CC2D1A: variants seen among roughly 807,000 people sequenced by gnomAD.
CC2D1A encodes the protein coiled-coil and C2 domain containing 1A, also known as coiled-coil and C2 domain-containing protein 1A.
Under a neutral mutation model 123.8 loss-of-function variants are expected in CC2D1A, and 68 were observed. The observed-to-expected ratio is 0.55, with a 90% CI of 0.45 to 0.67. The LOEUF (loss-of-function observed/expected upper bound fraction) is 0.67, where lower values mean the gene tolerates loss of function less well. CC2D1A is among the 30% of genes least tolerant of loss of function. The probability of loss-of-function intolerance (pLI) is 0.00; values close to 1 mark genes in which losing one functional copy is unlikely to be tolerated. For missense variants in CC2D1A, 1,185 were observed against 1,290.3 expected (o/e 0.92, Z 1.25); for synonymous variants, 477 against 528.0 (o/e 0.90, Z 1.32).
chr19:13,917,704 C>T (rs982316422), intron 6 of CC2D1A, among the ~76,000 whole-genome samples: 13 of 151,224 alleles, frequency 8.6e-5, no homozygotes, highest in African/African-American at 1.5e-4. Flanking sequence ...TAAAGCCAGG[C>T]GCGGTGGTTC....
At chr19:13,914,829 G>A (rs1971147212) in intron 6 of CC2D1A, among the ~76,000 whole-genome samples, 1 of 152,154 alleles carries the variant, frequency 6.6e-6, no homozygotes, top group African/African-American at 2.4e-5. Context: ...TTTTTGTAGA[G>A]GTGCCATGTT....
intron 17 of CC2D1A, among the ~76,000 whole-genome samples, chr19:13,926,030 A>ATATCTATATATATACGTATATATATGTG (rs1971615608): frequency 1.1e-5 from 1 of 87,688 alleles, no homozygotes; most frequent in Non-Finnish European, 2.0e-5. Flanking sequence ...ATATATGTGT[A>ATATCTATATATATACGTATATATATGTG]TATATATATA....
rs769604722 is a variant in CC2D1A at position 13,913,399 on chromosome 19, C to T, written c.514-5C>T. 13 of 1,613,696 alleles carry T rather than the reference C, an allele frequency of 8.1e-6. No homozygotes were observed. The highest frequency in any genetic ancestry group is 1.0e-5 in the Non-Finnish European group (12 of 1,179,800). On this transcript the variant is annotated splice_region_variant and splice_polypyrimidine_tract_variant and intron_variant, in intron 5 of 28. Transcript: ENST00000318003. ...TCCCAAACCAATACTCACGCCTTAT[C>T]TTAGACACTGGAAAACCTGCTCGCC...
chr19:13,930,730 T>G lies in CC2D1A; in HGVS notation c.*335T>G. On this transcript the variant is annotated 3_prime_UTR_variant, in exon 29 of 29. Transcript: ENST00000318003. This position sits in a 1 kb window ranked among gnomAD's most constrained non-coding sequence, Gnocchi z 6.8. ...GCCCCTGCAAGCACTTTACTTCCTGTTCCTCCCCAGCCTTAACCCCAAAGC... is the reference window on the plus strand; with the variant it reads ...GCCCCTGCAAGCACTTTACTTCCTGGTCCTCCCCAGCCTTAACCCCAAAGC... The G allele has an allele frequency of 1.7e-5, 7 of 412,030 alleles. No individual in the cohort carries two copies. Among genetic ancestry groups the G allele is most frequent in the Non-Finnish European group, 3.0e-5 (7 of 230,182 alleles). 25.5% of individuals were successfully genotyped at this position (412,030 alleles called of 1,614,324 possible).
In CC2D1A at chr19:13,919,248, G is replaced by A. The variant is rs373854689; in HGVS notation, c.1222+46G>A. 1,587 of 1,382,998 alleles carry A rather than the reference G, an allele frequency of 1.1e-3. 13 individuals carry two copies. In the African/African-American group the frequency reaches 0.021, roughly 18 times the overall value. 85.7% of individuals were successfully genotyped at this position (1,382,998 alleles called of 1,614,324 possible). On this transcript the variant is annotated intron_variant, in intron 11 of 28. Transcript: ENST00000318003. ...CCTCGCCCCAGTAGGCCCCGCCCCC[G>A]TAGGCCCCGCCCCCAGAGGCCCCGC...
intron 2 of CC2D1A, among the ~76,000 whole-genome samples, chr19:13,911,685 A>G (rs1199731551): frequency 1.4e-5 from 2 of 144,138 alleles, no homozygotes; most frequent in East Asian, 4.0e-4. Context: ...AGCGGGGATT[A>G]CACGCCACCA....
chr19:13,929,640 G>A lies in CC2D1A; in HGVS notation c.2690G>A (p.Gly897Glu). 1 of 1,567,278 alleles carries A rather than the reference G, an allele frequency of 6.4e-7. No homozygotes were observed. Among genetic ancestry groups the A allele is most frequent in the Non-Finnish European group, 8.6e-7 (1 of 1,158,980 alleles). Residue 897 changes from glycine to glutamate, a missense_variant, in exon 26 of 29, where the codon GGG (glycine) becomes GAG (glutamate). Coordinates refer to ENST00000318003, the MANE Select transcript of CC2D1A (RefSeq NM_017721.5). ...SQWQRAQLEQ[G>E]GVGIRREYAA... Reference sequence around the variant, plus strand: ...TGGCAGAGGGCACAGCTGGAGCAGGGGGGTGTGGGCATCCGACGGGGTAGG... The same window carrying A: ...TGGCAGAGGGCACAGCTGGAGCAGGAGGGTGTGGGCATCCGACGGGGTAGG...
chr19:13,921,714 C>CT (rs925884894), intron 14 of CC2D1A, among the ~76,000 whole-genome samples: 6 of 152,284 alleles, frequency 3.9e-5, no homozygotes, highest in Admixed American at 2.6e-4. Context: ...TTGCTGGACA[C>CT]TGGAGACATG....
chr19:13,923,523 G>A lies in CC2D1A; in HGVS notation c.1765-25G>A, dbSNP rs746051049. 8.7e-6 allele frequency: 14 copies of A among 1,612,944 alleles called. No individual in the cohort carries two copies. The highest frequency in any genetic ancestry group is 6.7e-5 in the Admixed American group (4 of 59,836). ...TCCTTCCCCTCTCTTCCCTTCCCTC[G>A]ACTCACTGCCTTCTGTTTCCCCAGA... On this transcript the variant is annotated intron_variant, in intron 15 of 28. Coordinates refer to ENST00000318003, the MANE Select transcript of CC2D1A (RefSeq NM_017721.5). The surrounding 1 kb of genome is among the most constrained non-coding windows in gnomAD (Gnocchi z 5.3).
chr19:13,919,424 A>G (rs778564225), intron 11 of CC2D1A, among the ~76,000 whole-genome samples: 9 of 152,222 alleles, frequency 5.9e-5, no homozygotes, highest in Non-Finnish European at 1.0e-4. Context: ...GACATTGGAC[A>G]TGATGTGTCT....
intron 17 of CC2D1A, among the ~76,000 whole-genome samples, chr19:13,925,172 T>C (rs535159567): frequency 6.6e-6 from 1 of 152,284 alleles, no homozygotes; most frequent in Non-Finnish European, 1.5e-5. Context: ...TTTTTCTATT[T>C]ATGTACTTAT....
intron 17 of CC2D1A, among the ~76,000 whole-genome samples, chr19:13,926,032 A>ATATATATACATATATGTGTGTG (rs1568418953): frequency 5.7e-5 from 5 of 88,318 alleles, no homozygotes; most frequent in African/African-American, 3.7e-4. Context: ...ATATGTGTAT[A>ATATATATACATATATGTGTGTG]TATATATATA....
chr19:13,926,867 C>A lies in CC2D1A; in HGVS notation c.2120C>A (p.Ser707Tyr), dbSNP rs773433259. The A allele has an allele frequency of 3.1e-6, 5 of 1,614,058 alleles. No homozygotes were observed. The highest frequency in any genetic ancestry group is 4.2e-6 in the Non-Finnish European group (5 of 1,179,966). ...DKTSVIKNTD[S>Y]PEFKEQFKLC... is the part of the protein sequence containing the mutation. ...ACCAGTGTGATCAAGAACACAGACT[C>A]CCCTGGTGAGCCTCGGCTGGAAGCA... The change falls in exon 20 of 29, where the codon TCC becomes TAC. Residue 707 changes from serine to tyrosine, a missense_variant. Ser to Tyr is a moderately radical substitution (Grantham distance 144, BLOSUM62 -2). Transcript: ENST00000318003.
chr19:13,913,635 C>T lies in CC2D1A; in HGVS notation c.745C>T (p.Pro249Ser). The T allele has an allele frequency of 1.2e-6, 2 of 1,601,752 alleles. No homozygotes were observed. Among genetic ancestry groups the T allele is most frequent in the East Asian group, 4.5e-5 (2 of 44,656 alleles). Residue 249 changes from proline (P) to serine (S), a missense_variant, in exon 6 of 29, where the codon CCA becomes TCA. Pro to Ser is a moderately conservative substitution (Grantham distance 74). Coordinates refer to ENST00000318003, the MANE Select transcript of CC2D1A (RefSeq NM_017721.5). ...SPGLAKPQMPPGPCSPGPLAQ... is the reference protein window; with the variant it reads ...SPGLAKPQMPSGPCSPGPLAQ... ...AGGCTTGGCTAAGCCCCAGATGCCC[C>T]CAGGTAGGTGATGGGCAGGGCCGGG...
At chr19:13,917,412 T>C (rs1971244563) in intron 6 of CC2D1A, among the ~76,000 whole-genome samples, 1 of 152,080 alleles carries the variant, frequency 6.6e-6, no homozygotes, top group South Asian at 2.1e-4. Context: ...TCTGAGGCTA[T>C]AGTGAGCAGC....
At position 13,923,515 on chromosome 19, in the gene CC2D1A, CT is replaced by C. The variant is rs1419945700; in HGVS notation, c.1765-31del. The C allele has an allele frequency of 4.3e-6, 7 of 1,614,056 alleles. No individual in the cohort carries two copies. Among genetic ancestry groups the C allele is most frequent in the Admixed American group, 3.3e-5 (2 of 60,004 alleles). The stretch of plus-strand genomic sequence containing the variant: ...CGTGACCCTCCTTCCCCTCTCTTCC[CT>C]TCCCTCGACTCACTGCCTTCTGTTT... On this transcript the variant is annotated intron_variant, in intron 15 of 28. Coordinates refer to ENST00000318003, the MANE Select transcript of CC2D1A (RefSeq NM_017721.5). The surrounding 1 kb of genome is among the most constrained non-coding windows in gnomAD (Gnocchi z 5.3).
intron 17 of CC2D1A, 99 bp from the exon 18 acceptor site, chr19:13,926,418 T>C (rs1176788783): frequency 8.9e-6 from 10 of 1,126,194 alleles, no homozygotes; most frequent in Admixed American, 2.1e-5. Flanking sequence ...GTGGGGTTTG[T>C]TCCCTGCCCC....
chr19:13,913,904 G>A (rs1377230787), intron 6 of CC2D1A, among the ~76,000 whole-genome samples: 2 of 151,924 alleles, frequency 1.3e-5, no homozygotes, highest in Non-Finnish European at 1.5e-5. Flanking sequence ...TTTTTGAGAT[G>A]GAGTTTCGTT....
At chr19:13,922,822 C>T (rs1214557698) in intron 14 of CC2D1A, among the ~76,000 whole-genome samples, 1 of 152,178 alleles carries the variant, frequency 6.6e-6, no homozygotes, top group Non-Finnish European at 1.5e-5. Flanking sequence ...ACATGAGCCA[C>T]TGCACCCGGC....
Sources: allele counts gnomAD v4.1 joint callset (sites outside exome capture counted in the v4.1 genomes callset), GRCh38; gene constraint gnomAD v4.1.1; non-coding constraint Gnocchi (gnomAD v3.1); transcripts MANE v1.5; gene names NCBI Gene and HGNC (gene_info 2026-07-23, HGNC 2026-07-21).